The following RABGAP1 variants were observed in gnomAD, a reference collection of about 807,000 sequenced individuals.
RABGAP1 encodes RAB GTPase activating protein 1, also known as rab GTPase-activating protein 1.
In RABGAP1, 23 loss-of-function variants were observed where a neutral mutation model predicts 137.6. The observed-to-expected ratio is 0.17, with a 90% confidence interval of 0.12 to 0.24. RABGAP1 has a LOEUF of 0.24. Ranked by LOEUF, RABGAP1 falls within the 10% of genes least tolerant of loss-of-function variation. The pLI is 1.00. For synonymous variants in RABGAP1, 451 were observed against 450.7 expected (o/e 1.00, Z -0.01); for missense variants, 906 against 1,275.8 (o/e 0.71, Z 4.42).
intron 13 of RABGAP1, among the ~76,000 whole-genome samples, chr9:123,043,118 A>G (rs1042461180): frequency 1.3e-5 from 2 of 152,196 alleles, no homozygotes; most frequent in Non-Finnish European, 2.9e-5. Flanking sequence ...GAGGTCTGCA[A>G]AATCACAAAA....
chr9:123,064,358 T>G (rs187153631), intron 13 of RABGAP1, among the ~76,000 whole-genome samples: 140 of 152,340 alleles, frequency 9.2e-4, no homozygotes, highest in African/African-American at 3.1e-3. Flanking sequence ...GTTTACTGTT[T>G]AAGAAGGAGC....
intron 13 of RABGAP1, among the ~76,000 whole-genome samples, chr9:123,030,307 G>A (rs925587032): frequency 1.3e-5 from 2 of 152,144 alleles, no homozygotes; most frequent in Non-Finnish European, 2.9e-5. Flanking sequence ...CTTCAACCCA[G>A]CATCATTCTA....
chr9:123,072,874 A>G (rs144798138), intron 15 of RABGAP1, among the ~76,000 whole-genome samples: 334 of 152,244 alleles, frequency 2.2e-3, no homozygotes, highest in African/African-American at 6.9e-3. Flanking sequence ...CTTAAATAAC[A>G]TTTCCAGTGC....
intron 21 of RABGAP1, among the ~76,000 whole-genome samples, chr9:123,095,006 A>C (rs142732259): frequency 2.0e-5 from 3 of 152,046 alleles, no homozygotes; most frequent in South Asian, 2.1e-4. Flanking sequence ...TCCATAACCA[A>C]CTTAGCTAGA....
At chr9:122,956,033 A>G (rs1469591730) in intron 1 of RABGAP1, among the ~76,000 whole-genome samples, 1 of 152,214 alleles carries the variant, frequency 6.6e-6, no homozygotes, top group Non-Finnish European at 1.5e-5. Context: ...TTTCATTCCA[A>G]GACTCAATAA....
At chr9:123,006,889 G>A (rs975773128) in intron 10 of RABGAP1, among the ~76,000 whole-genome samples, 5 of 151,976 alleles carry the variant, frequency 3.3e-5, no homozygotes, top group Admixed American at 6.6e-5. Context: ...GATTACAGGC[G>A]TGAGCCACTG....
chr9:123,049,536 A>G (rs181849364), intron 13 of RABGAP1, among the ~76,000 whole-genome samples: 70 of 152,332 alleles, frequency 4.6e-4, no homozygotes, highest in Non-Finnish European at 9.0e-4. Flanking sequence ...TTTCATTAGT[A>G]TGGTTCATAG....
intron 2 of RABGAP1, among the ~76,000 whole-genome samples, chr9:122,974,059 CA>C (rs1319898761): frequency 6.6e-6 from 1 of 151,618 alleles, no homozygotes; most frequent in African/African-American, 2.4e-5. Flanking sequence ...CTCTGTAATG[CA>C]GATCTTTTAT....
At chr9:123,057,114 C>A (rs1363855813) in intron 13 of RABGAP1, among the ~76,000 whole-genome samples, 1 of 149,844 alleles carries the variant, frequency 6.7e-6, no homozygotes, top group Non-Finnish European at 1.5e-5. Context: ...GCTGACCCCC[C>A]CACCTCCCTC....
At chr9:123,035,252 AAGC>A in intron 13 of RABGAP1, 4 of 1,614,192 alleles carry the variant, frequency 2.5e-6, no homozygotes, top group Non-Finnish European at 3.4e-6. Flanking sequence ...AGCGAAAGGC[AAGC>A]CCGCTTCAGC....
At chr9:123,099,380 A>G in intron 23 of RABGAP1, 98 bp from the exon 24 acceptor site, 2 of 1,156,804 alleles carry the variant, frequency 1.7e-6, no homozygotes, top group East Asian at 2.4e-5. Flanking sequence ...ATTTGCTACT[A>G]TGTTAATTCC....
chr9:122,942,669 C>CAAAAAAAAAAAAAAAAAAAAAAAA (rs10660327), intron 1 of RABGAP1, among the ~76,000 whole-genome samples: 1 of 90,340 alleles, frequency 1.1e-5, no homozygotes, highest in Non-Finnish European at 2.1e-5. Context: ...GACTCCGTCT[C>CAAAAAAAAAAAAAAAAAAAAAAAA]AAAAAAAAAA....
At chr9:122,951,695 A>G (rs1223569316) in intron 1 of RABGAP1, among the ~76,000 whole-genome samples, 2 of 151,838 alleles carry the variant, frequency 1.3e-5, no homozygotes, top group African/African-American at 4.8e-5. Flanking sequence ...TCAGCCTCCC[A>G]AGTAGCTGGC....
At chr9:123,055,740 G>T (rs1459106841) in intron 13 of RABGAP1, among the ~76,000 whole-genome samples, 1 of 152,008 alleles carries the variant, frequency 6.6e-6, no homozygotes, top group Admixed American at 6.6e-5. Flanking sequence ...AGTAGAGACA[G>T]GGTTTTGCCA....
At position 122,990,144 on chromosome 9, in the gene RABGAP1, C is replaced by G. The variant is rs1836595706; in HGVS notation, c.854C>G (p.Pro285Arg). ...TCAGCCACTGCTGCACCCCAGACTC[C>G]TGACAGTGACATCTTTACCTTCTCT... ...PLSATAAPQT[P>R]DSDIFTFSVS... The change falls in exon 6 of 26, where the codon CCT (proline) becomes CGT (arginine). Residue 285 changes from proline (P) to arginine (R), a missense_variant. Physicochemically the swap from Pro to Arg is moderately radical, Grantham distance 103. Around this residue, in one of 9 missense-constraint regions of RABGAP1, gnomAD observed 331 missense variants for 358.3 expected, o/e 0.92. Coordinates refer to ENST00000373647, the MANE Select transcript of RABGAP1 (RefSeq NM_012197.4). 6.2e-7 allele frequency: 1 copy of G among 1,612,294 alleles called. No individual in the cohort carries two copies. Among genetic ancestry groups the G allele is most frequent in the African/African-American group, 1.3e-5 (1 of 74,878 alleles).
chr9:122,997,586 C>T (rs1588239400), intron 9 of RABGAP1, among the ~76,000 whole-genome samples: 1 of 35,616 alleles, frequency 2.8e-5, no homozygotes, highest in African/African-American at 3.5e-5. Context: ...TCTTTCTTTT[C>T]TTTCTTTCTA....
At chr9:123,013,623 G>A (rs745483666) in intron 11 of RABGAP1, among the ~76,000 whole-genome samples, 6 of 152,116 alleles carry the variant, frequency 3.9e-5, no homozygotes, top group Admixed American at 1.3e-4. Flanking sequence ...GTGAGCCACC[G>A]TGCCGGGCCT....
intron 4 of RABGAP1, 56 bp from the exon 5 acceptor site, chr9:122,989,241 G>A (rs750530113): frequency 5.5e-5 from 78 of 1,430,196 alleles, no homozygotes; most frequent in South Asian, 2.8e-4. Context: ...TAATCTAAAC[G>A]TAGTGCAGAT....
chr9:123,081,670 T>A (rs1342563479), intron 19 of RABGAP1, among the ~76,000 whole-genome samples: 1 of 152,188 alleles, frequency 6.6e-6, no homozygotes. Context: ...CTCGAACTCC[T>A]GGACTCAAGT....
Sources: gnomAD v4.1 joint callset for allele counts (sites outside exome capture counted in the v4.1 genomes callset) on GRCh38, gnomAD v4.1.1 for gene constraint, gnomAD v4.1.1 regional missense constraint, MANE v1.5 for transcripts, NCBI Gene and HGNC (gene_info 2026-07-23, HGNC 2026-07-21) for gene names.